Variants in CTTNBP2 observed in about 807,000 individuals in gnomAD.
The protein encoded by CTTNBP2 is cortactin-binding protein 2.
In CTTNBP2, 108 loss-of-function variants were observed where a neutral mutation model predicts 156.9. The observed-to-expected ratio is 0.69, with a 90% confidence interval of 0.59 to 0.81. CTTNBP2 has a LOEUF of 0.81. Among genes scored for constraint, CTTNBP2 ranks in the 30% least tolerant of loss-of-function variants. The probability of loss-of-function intolerance (pLI) is 0.00; values close to 1 mark genes in which losing one functional copy is unlikely to be tolerated. For missense variants in CTTNBP2, 1,924 were observed against 2,035.4 expected (o/e 0.95, Z 1.05); for synonymous variants, 767 against 751.8 (o/e 1.02, Z -0.33).
chr7:117,869,645 T>C (rs1804442656), intron 1 of CTTNBP2, among the ~76,000 whole-genome samples: 1 of 152,226 alleles, frequency 6.6e-6, no homozygotes, highest in Admixed American at 6.5e-5. Context: ...ACTGGTAATC[T>C]AGCCCAGGCA....
chr7:117,844,030 T>A (rs1257013512), intron 2 of CTTNBP2, among the ~76,000 whole-genome samples: 1 of 141,214 alleles, frequency 7.1e-6, no homozygotes, highest in Non-Finnish European at 1.5e-5. Context: ...GAAAGAGGCA[T>A]GACAACAGAA....
intron 12 of CTTNBP2, among the ~76,000 whole-genome samples, chr7:117,754,201 T>G (rs1326956491): frequency 6.6e-6 from 1 of 152,232 alleles, no homozygotes; most frequent in Non-Finnish European, 1.5e-5. Context: ...ACAAGGCGAC[T>G]CTCTTCATTT....
At chr7:117,864,495 T>C (rs1803977859) in intron 1 of CTTNBP2, among the ~76,000 whole-genome samples, 3 of 151,600 alleles carry the variant, frequency 2.0e-5, no homozygotes, top group Admixed American at 2.0e-4. Context: ...CAAAACAGGG[T>C]TAAAAAAAGT....
intron 4 of CTTNBP2, among the ~76,000 whole-genome samples, chr7:117,789,565 A>G (rs182579342): frequency 2.0e-5 from 3 of 152,346 alleles, no homozygotes; most frequent in Admixed American, 2.0e-4. Flanking sequence ...AAAGCTGTTC[A>G]ACTCAGTAAT....
intron 12 of CTTNBP2, among the ~76,000 whole-genome samples, chr7:117,756,212 T>C (rs528617431): frequency 5.8e-4 from 89 of 152,364 alleles, no homozygotes; most frequent in African/African-American, 2.1e-3. Flanking sequence ...AAGTTTATAG[T>C]AAGGCATCTT....
At chr7:117,844,692 C>A (rs1802482377) in intron 2 of CTTNBP2, among the ~76,000 whole-genome samples, 1 of 152,092 alleles carries the variant, frequency 6.6e-6, no homozygotes, top group South Asian at 2.1e-4. Context: ...TTGATGATAT[C>A]TGAATATGTG....
At chr7:117,735,908 T>C (rs946100779) in intron 14 of CTTNBP2, among the ~76,000 whole-genome samples, 1 of 152,098 alleles carries the variant, frequency 6.6e-6, no homozygotes, top group African/African-American at 2.4e-5. Flanking sequence ...GAAATGATTA[T>C]CATGAAAGAG....
chr7:117,860,261 C>A (rs1027705017), intron 2 of CTTNBP2, among the ~76,000 whole-genome samples: 15 of 151,868 alleles, frequency 9.9e-5, no homozygotes, highest in African/African-American at 3.1e-4. Flanking sequence ...GTTTGATCTA[C>A]AAACCAAAAT....
chr7:117,812,365 C>T (rs1425741070), intron 2 of CTTNBP2, among the ~76,000 whole-genome samples: 1 of 151,956 alleles, frequency 6.6e-6, no homozygotes, highest in African/African-American at 2.4e-5. Flanking sequence ...TTAAACATGT[C>T]TTCTGAAGAA....
intron 14 of CTTNBP2, among the ~76,000 whole-genome samples, chr7:117,736,174 G>A (rs1446020448): frequency 1.3e-5 from 2 of 152,138 alleles, no homozygotes; most frequent in Non-Finnish European, 2.9e-5. Context: ...TGTAGACAGG[G>A]CCAGGCGCAG....
Position 117,792,148 on chromosome 7 carries a change from T to C in CTTNBP2, c.1048A>G (p.Thr350Ala), listed in dbSNP as rs1221832658. Residue 350 changes from threonine (T) to alanine (A), a missense_variant, in exon 4 of 23, where the codon ACC (threonine) becomes GCC (alanine). Coordinates refer to ENST00000160373, the MANE Select transcript of CTTNBP2 (RefSeq NM_033427.3). This position sits in a 1 kb window ranked among gnomAD's most constrained non-coding sequence, Gnocchi z 4.2. Reference sequence around the variant, plus strand: ...CTGTCAATACCTGGTCTGGCCATGGTGGCACTGGTGCACACGCTCCCTTTT... The same window carrying C: ...CTGTCAATACCTGGTCTGGCCATGGCGGCACTGGTGCACACGCTCCCTTTT... ...NAKGSVCTSATMARPGIDRQA... is the reference protein window; with the variant it reads ...NAKGSVCTSAAMARPGIDRQA... 8.7e-6 allele frequency: 14 copies of C among 1,614,184 alleles called. No individual in the cohort carries two copies. Among genetic ancestry groups the C allele is most frequent in the Non-Finnish European group, 1.2e-5 (14 of 1,180,040 alleles).
At chr7:117,810,420 T>C (rs570211870) in intron 3 of CTTNBP2, among the ~76,000 whole-genome samples, 2 of 152,196 alleles carry the variant, frequency 1.3e-5, no homozygotes, top group Non-Finnish European at 2.9e-5. Flanking sequence ...AGAGTCCTGG[T>C]TGCATCACTG....
Position 117,836,375 on chromosome 7 carries a change from T to C in CTTNBP2, c.189+24834A>G, listed in dbSNP as rs1186104719. Reference sequence around the variant, plus strand: ...GTCAGGAGATCCAGAGCATCCTGGCTAACACGACGAAACCCTATCTCTACT... The same window carrying C: ...GTCAGGAGATCCAGAGCATCCTGGCCAACACGACGAAACCCTATCTCTACT... On this transcript the variant is annotated intron_variant, in intron 2 of 22. Coordinates refer to ENST00000160373, the MANE Select transcript of CTTNBP2 (RefSeq NM_033427.3). Among the ~76,000 whole-genome samples the C allele has an allele frequency of 2.6e-5, 4 of 152,230 alleles. No individual in the cohort carries two copies. The Middle Eastern group carries it at 0.01, about 388-fold the overall frequency.
chr7:117,833,633 G>A lies in CTTNBP2; in HGVS notation c.190-22644C>T, dbSNP rs190835345. Among the ~76,000 whole-genome samples the A allele has an allele frequency of 7.6e-4, 115 of 152,230 alleles. 1 individual carries two copies. The highest frequency in any genetic ancestry group is 2.6e-3 in the African/African-American group (107 of 41,538). On this transcript the variant is annotated intron_variant, in intron 2 of 22. Transcript: ENST00000160373. The stretch of plus-strand genomic sequence containing the variant: ...TCTCCTTGATCACTATATGTTGTAC[G>A]TAGATCCTCACTGAATTCTTCATAT...
chr7:117,714,530 T>C (rs933613491), intron 22 of CTTNBP2, among the ~76,000 whole-genome samples: 2 of 152,160 alleles, frequency 1.3e-5, no homozygotes, highest in Non-Finnish European at 2.9e-5. Context: ...ATTAATGCCA[T>C]GGCCCAGAGG....
intron 8 of CTTNBP2, among the ~76,000 whole-genome samples, chr7:117,771,963 G>A (rs1208896768): frequency 6.6e-6 from 1 of 152,178 alleles, no homozygotes; most frequent in Admixed American, 6.5e-5. Flanking sequence ...AGAGAGCACA[G>A]GATGTTTGCA....
chr7:117,777,009 C>A (rs1798141072), intron 8 of CTTNBP2, among the ~76,000 whole-genome samples: 1 of 152,200 alleles, frequency 6.6e-6, no homozygotes. Context: ...CTATATTATA[C>A]TGTTTCTTTA....
At chr7:117,870,471 G>A (rs1017208018) in intron 1 of CTTNBP2, among the ~76,000 whole-genome samples, 2 of 152,138 alleles carry the variant, frequency 1.3e-5, no homozygotes, top group African/African-American at 2.4e-5. Flanking sequence ...CATCACTGTC[G>A]TGCATTTTAA....
At chr7:117,805,993 T>C (rs1310029139) in intron 3 of CTTNBP2, among the ~76,000 whole-genome samples, 1 of 152,168 alleles carries the variant, frequency 6.6e-6, no homozygotes, top group African/African-American at 2.4e-5. Context: ...ACATACTAAG[T>C]TAAAAAGGAA....
Sources: allele counts gnomAD v4.1 joint callset (sites outside exome capture counted in the v4.1 genomes callset), GRCh38; gene constraint gnomAD v4.1.1; non-coding constraint Gnocchi (gnomAD v3.1); transcripts MANE v1.5; gene names NCBI Gene and HGNC (gene_info 2026-07-23, HGNC 2026-07-21).